PARN: variants seen among roughly 807,000 people sequenced by gnomAD.
The protein encoded by PARN is poly(A)-specific ribonuclease, also known as poly(A)-specific ribonuclease PARN.
A neutral mutation model predicts 102.8 loss-of-function variants in PARN; 71 were observed. The observed-to-expected ratio is 0.69, with a 90% CI of 0.57 to 0.84. The LOEUF (loss-of-function observed/expected upper bound fraction) is 0.84. Among genes scored for constraint, PARN ranks in the 40% least tolerant of loss-of-function variants. PARN has a pLI of 0.00. For missense variants in PARN, 782 were observed against 760.9 expected, an observed-to-expected ratio of 1.03 and a Z score of -0.33; for synonymous variants, 261 against 252.9, an observed-to-expected ratio of 1.03 and a Z score of -0.30.
At chr16:14,620,189 A>G (rs981298579) in intron 5 of PARN, among the ~76,000 whole-genome samples, 3 of 151,926 alleles carry the variant, frequency 2.0e-5, no homozygotes, top group Admixed American at 2.0e-4. Context: ...CACCCTGGCT[A>G]ACATGGTGAA....
intron 13 of PARN, among the ~76,000 whole-genome samples, chr16:14,587,647 G>A (rs1247865938): frequency 6.6e-6 from 1 of 152,098 alleles, no homozygotes; most frequent in African/African-American, 2.4e-5. Context: ...TAATTTATTA[G>A]GCTTTCTAAT....
chr16:14,507,869 C>T (rs1194682798), intron 21 of PARN, among the ~76,000 whole-genome samples: 1 of 152,066 alleles, frequency 6.6e-6, no homozygotes, highest in Non-Finnish European at 1.5e-5. Flanking sequence ...AACTTGATGG[C>T]TTATCTAATG....
chr16:14,565,798 C>T (rs940847890), intron 18 of PARN, among the ~76,000 whole-genome samples: 7 of 152,218 alleles, frequency 4.6e-5, no homozygotes, highest in African/African-American at 1.7e-4. Context: ...CTCTGCCACT[C>T]CTGGGGCCCT....
Position 14,608,268 on chromosome 16 carries a change from T to C in PARN, c.659+13A>G. The stretch of plus-strand genomic sequence containing the variant: ...TCCCCCACAGAGCTGCTGCATACAA[T>C]ATAAATACTTACTTCCAGCTCAAAG... On this transcript the variant is annotated intron_variant, in intron 9 of 23. Transcript: ENST00000437198. The C allele has an allele frequency of 6.6e-7, 1 of 1,519,918 alleles. No individual in the cohort carries two copies. The allele number at this position is 1,519,918 out of a possible 1,614,324, so 94.2% of individuals were successfully genotyped here. A position where few individuals can be genotyped will look rare whatever the true frequency, so the allele number is the denominator to read the frequency against.
At chr16:14,484,954 C>A (rs549672639) in intron 21 of PARN, among the ~76,000 whole-genome samples, 1 of 152,034 alleles carries the variant, frequency 6.6e-6, no homozygotes, top group Admixed American at 6.5e-5. Context: ...CACAGTGGCT[C>A]ACACTTGTAA....
At chr16:14,457,480 C>T (rs1961729212) in intron 22 of PARN, among the ~76,000 whole-genome samples, 1 of 152,058 alleles carries the variant, frequency 6.6e-6, no homozygotes, top group South Asian at 2.1e-4. Context: ...CACTGATAAA[C>T]CAGGATTCTT....
chr16:14,590,405 C>T (rs913439261), intron 13 of PARN, among the ~76,000 whole-genome samples: 8 of 151,576 alleles, frequency 5.3e-5, no homozygotes, highest in Admixed American at 3.9e-4. Flanking sequence ...GAGGCGGAGG[C>T]GGGTGGATCA....
chr16:14,629,665 C>T lies in PARN; in HGVS notation c.29G>A (p.Ser10Asn), dbSNP rs1972907613. The stretch of plus-strand genomic sequence containing the variant: ...GGCCTGGTACACTTTGTGAAGATTA[C>T]TCTTAAAATCTGCGGAGAAACCGAA... MEIIRSNFK[S>N]NLHKVYQAIE... is the part of the protein sequence containing the mutation. The change falls in exon 2 of 24, where the codon AGT becomes AAT. Residue 10 changes from serine to asparagine, a missense_variant. Coordinates refer to ENST00000437198, the MANE Select transcript of PARN (RefSeq NM_002582.4). 6.2e-7 allele frequency: 1 copy of T among 1,612,184 alleles called. No individual in the cohort carries two copies.
At chr16:14,534,532 A>C (rs1024522674) in intron 21 of PARN, among the ~76,000 whole-genome samples, 1 of 152,122 alleles carries the variant, frequency 6.6e-6, no homozygotes, top group Non-Finnish European at 1.5e-5. Context: ...ATATTCTATA[A>C]TGAGTTCATT....
chr16:14,484,493 A>G (rs1229920171), intron 21 of PARN, among the ~76,000 whole-genome samples: 2 of 152,228 alleles, frequency 1.3e-5, no homozygotes. Flanking sequence ...GATGTCAGAA[A>G]CAGAATCTGT....
intron 21 of PARN, among the ~76,000 whole-genome samples, chr16:14,486,298 T>A (rs916998552): frequency 6.6e-5 from 10 of 152,096 alleles, no homozygotes; most frequent in Admixed American, 4.6e-4. Context: ...GCCCAGGAAG[T>A]CAAGTCTGCA....
At chr16:14,469,599 A>AG (rs907262975) in intron 22 of PARN, among the ~76,000 whole-genome samples, 2 of 152,204 alleles carry the variant, frequency 1.3e-5, no homozygotes, top group Non-Finnish European at 2.9e-5. Context: ...TTTGGGCCAC[A>AG]GCAGTCATTT....
intron 18 of PARN, among the ~76,000 whole-genome samples, chr16:14,571,407 TA>T (rs1968803975): frequency 6.8e-6 from 1 of 147,728 alleles, no homozygotes; most frequent in Non-Finnish European, 1.5e-5. Flanking sequence ...GAACTAAGAG[TA>T]AGAACTAACC....
intron 21 of PARN, among the ~76,000 whole-genome samples, chr16:14,500,666 A>C (rs961870904): frequency 6.6e-5 from 10 of 152,196 alleles, no homozygotes; most frequent in Non-Finnish European, 1.5e-4. Context: ...CCTCTAACAT[A>C]AGTAAAGTCT....
intron 21 of PARN, among the ~76,000 whole-genome samples, chr16:14,516,157 T>C (rs1006934241): frequency 2.0e-5 from 3 of 151,440 alleles, no homozygotes; most frequent in South Asian, 2.1e-4. Context: ...AATTAAAAGA[T>C]AAAAAATTTT....
intron 22 of PARN, among the ~76,000 whole-genome samples, chr16:14,465,230 G>C (rs933629125): frequency 6.6e-6 from 1 of 151,986 alleles, no homozygotes; most frequent in Admixed American, 6.5e-5. Context: ...ACTAAGCTCG[G>C]GTGCCACCAA....
intron 21 of PARN, among the ~76,000 whole-genome samples, chr16:14,496,268 T>G (rs1160140663): frequency 6.6e-6 from 1 of 152,126 alleles, no homozygotes; most frequent in African/African-American, 2.4e-5. Context: ...ACAAAGCCTC[T>G]GCGCTCACAC....
Position 14,610,675 on chromosome 16 carries a change from C to T in PARN, c.523G>A (p.Glu175Lys), listed in dbSNP as rs1971471596. The T allele has an allele frequency of 6.2e-7, 1 of 1,611,058 alleles. No individual in the cohort carries two copies. Among genetic ancestry groups the T allele is most frequent in the Non-Finnish European group, 8.5e-7 (1 of 1,177,320 alleles). Residue 175 changes from glutamate (E) to lysine (K), a missense_variant, in exon 7 of 24, where the codon GAG becomes AAG. Coordinates refer to ENST00000437198, the MANE Select transcript of PARN (RefSeq NM_002582.4). The stretch of plus-strand genomic sequence containing the variant: ...TGGTCAATAAACTTCTTTTGATCCT[C>T]AGGAATCGTGACAGGACATTTTGAA... ...NTSKCPVTIP[E>K]DQKKFIDQVV...
At chr16:14,517,661 T>C (rs1176091413) in intron 21 of PARN, among the ~76,000 whole-genome samples, 4 of 152,192 alleles carry the variant, frequency 2.6e-5, no homozygotes, top group Non-Finnish European at 1.5e-5. Context: ...GCCTTATAAG[T>C]CAACAGAAAA....
Sources: gnomAD v4.1 joint callset for allele counts (sites outside exome capture counted in the v4.1 genomes callset) on GRCh38, gnomAD v4.1.1 for gene constraint, MANE v1.5 for transcripts, NCBI Gene and HGNC (gene_info 2026-07-23, HGNC 2026-07-21) for gene names.